The following BPTF variants were observed in gnomAD, a reference collection of about 807,000 sequenced individuals.
The protein encoded by BPTF is bromodomain PHD finger transcription factor, also known as nucleosome-remodeling factor subunit BPTF.
BPTF carries 18 observed loss-of-function variants against 292.5 expected under a neutral mutation model. The ratio of observed to expected loss-of-function variants is 0.06; its 90% CI spans 0.04 to 0.09. The LOEUF is 0.09. Among genes scored for constraint, BPTF ranks in the 10% least tolerant of loss-of-function variants. BPTF has a pLI of 1.00. For synonymous variants in BPTF, 1,225 were observed against 1,251.9 expected (o/e 0.98, Z 0.45); for missense variants, 2,726 against 3,498.7 (o/e 0.78, Z 5.57).
At chr17:67,840,030 A>G (rs546393443) in intron 1 of BPTF, among the ~76,000 whole-genome samples, 2 of 152,150 alleles carry the variant, frequency 1.3e-5, no homozygotes, top group South Asian at 2.1e-4. Flanking sequence ...CCTAATGACA[A>G]ATGGTTCTGA....
chr17:67,946,518 A>G (rs1480435300), intron 21 of BPTF, among the ~76,000 whole-genome samples, 193 bp downstream of exon 21: 5 of 152,252 alleles, frequency 3.3e-5, no homozygotes, highest in African/African-American at 7.2e-5. Context: ...TTAGATACAT[A>G]TAATATATAG....
At chr17:67,960,136 T>TTCTTC (rs753201980) in intron 24 of BPTF, 2 of 343,340 alleles carry the variant, frequency 5.8e-6, no homozygotes, top group Non-Finnish European at 1.1e-5. Context: ...TTGCTTTCTC[T>TTCTTC]TCTTCCCTCT....
intron 15 of BPTF, among the ~76,000 whole-genome samples, chr17:67,927,843 A>G (rs1263036781): frequency 6.6e-6 from 1 of 152,172 alleles, no homozygotes. Flanking sequence ...CCTTGGAGGA[A>G]TTAAAAATAT....
At position 67,920,009 on chromosome 17, in the gene BPTF, C is replaced by A; in HGVS notation, c.5429-6C>A. On this transcript the variant is annotated splice_polypyrimidine_tract_variant and splice_region_variant and intron_variant, in intron 12 of 27. Coordinates refer to ENST00000306378, the MANE Select transcript of BPTF (RefSeq NM_182641.4). Reference sequence around the variant, plus strand: ...TTATTAATACTATTGAATTAAATCACCATAGAAACATCCGAAACTGAAATC... The same window carrying A: ...TTATTAATACTATTGAATTAAATCAACATAGAAACATCCGAAACTGAAATC... The A allele has an allele frequency of 6.2e-7, 1 of 1,608,246 alleles. No individual in the cohort carries two copies. The highest frequency in any genetic ancestry group is 8.5e-7 in the Non-Finnish European group (1 of 1,176,724).
At chr17:67,905,331 C>T (rs2062103737) in intron 9 of BPTF, among the ~76,000 whole-genome samples, 1 of 151,940 alleles carries the variant, frequency 6.6e-6, no homozygotes, top group Non-Finnish European at 1.5e-5. Context: ...TGGCTTAAAC[C>T]CAGGAGGCAG....
chr17:67,970,601 TAGAA>T (rs2068657928), intron 26 of BPTF, among the ~76,000 whole-genome samples: 1 of 152,204 alleles, frequency 6.6e-6, no homozygotes, highest in Non-Finnish European at 1.5e-5. Flanking sequence ...TAGAAATGCA[TAGAA>T]AATGTCTGGA....
At chr17:67,962,379 A>G (rs1456922931) in intron 24 of BPTF, among the ~76,000 whole-genome samples, 2 of 152,180 alleles carry the variant, frequency 1.3e-5, no homozygotes, top group East Asian at 3.9e-4. Flanking sequence ...CACAGTGCCT[A>G]TCAACACTTA....
At chr17:67,922,380 C>T (rs2063513011) in intron 13 of BPTF, among the ~76,000 whole-genome samples, 1 of 152,032 alleles carries the variant, frequency 6.6e-6, no homozygotes, top group African/African-American at 2.4e-5. Context: ...CTCTCAAATC[C>T]CCCTTCTCTG....
intron 23 of BPTF, among the ~76,000 whole-genome samples, chr17:67,954,017 T>A: frequency 8.6e-6 from 1 of 116,558 alleles, no homozygotes; most frequent in Non-Finnish European, 1.7e-5. Flanking sequence ...AGCAGGGCCT[T>A]GTTCTGTTGC....
intron 19 of BPTF, 30 bp downstream of exon 19, chr17:67,940,686 A>C (rs1555671582): frequency 7.6e-6 from 12 of 1,582,574 alleles, no homozygotes; most frequent in Non-Finnish European, 8.7e-6. Flanking sequence ...TTTTAACTTT[A>C]GAGGTGATCT....
chr17:67,873,641 G>C (rs1403806248), intron 3 of BPTF, among the ~76,000 whole-genome samples: 1 of 152,148 alleles, frequency 6.6e-6, no homozygotes, highest in African/African-American at 2.4e-5. Context: ...ATTTCTCACT[G>C]TCAGAGAAGT....
At chr17:67,903,056 G>C (rs1454529890) in intron 7 of BPTF, among the ~76,000 whole-genome samples, 1 of 152,220 alleles carries the variant, frequency 6.6e-6, no homozygotes, top group Non-Finnish European at 1.5e-5. Context: ...AGAAGGAGTT[G>C]TGGCCGATGC....
chr17:67,953,226 G>A (rs1435182124), intron 23 of BPTF, among the ~76,000 whole-genome samples: 2 of 148,666 alleles, frequency 1.3e-5, no homozygotes, highest in African/African-American at 2.5e-5. Flanking sequence ...CTCCCAAAGC[G>A]TTGGGATTAC....
intron 13 of BPTF, among the ~76,000 whole-genome samples, chr17:67,921,554 T>A (rs548830761): frequency 2.2e-4 from 34 of 152,020 alleles, no homozygotes; most frequent in African/African-American, 7.7e-4. Flanking sequence ...AATAAATAAA[T>A]AAAAAGATAA....
chr17:67,908,491 CTTTTT>C (rs34537462), intron 9 of BPTF, among the ~76,000 whole-genome samples: 1 of 97,578 alleles, frequency 1.0e-5, no homozygotes, highest in African/African-American at 3.6e-5. Flanking sequence ...TCACTGACCA[CTTTTT>C]TTTTTTTTTT....
At chr17:67,847,479 A>C (rs2058105572) in intron 1 of BPTF, among the ~76,000 whole-genome samples, 2 of 151,396 alleles carry the variant, frequency 1.3e-5, no homozygotes. Context: ...GCGCCACTGC[A>C]CTCCAGCGTG....
rs185288669 is a variant in BPTF, at chr17:67,922,122, T to G, written c.5558-718T>G. ...AGATGGGAGATGTACCTGGCAGGCC[T>G]TCAGTCTCCTTGACCCCACAGCCTT... On this transcript the variant is annotated intron_variant, in intron 13 of 27. Transcript: ENST00000306378. 1.2e-4 allele frequency among the ~76,000 whole-genome samples: 18 copies of G among 152,240 alleles called. No individual in the cohort carries two copies. In the East Asian group the frequency reaches 3.1e-3, roughly 26 times the overall value.
chr17:67,969,682 T>TA (rs1555689752), intron 26 of BPTF, among the ~76,000 whole-genome samples: 1 of 152,036 alleles, frequency 6.6e-6, no homozygotes, highest in Non-Finnish European at 1.5e-5. Context: ...TTGTTTTTTT[T>TA]AATACCAAGA....
At position 67,854,762 on chromosome 17, in the gene BPTF, T is replaced by G. The variant is rs762804280; in HGVS notation, c.1436T>G (p.Ile479Arg). ...KYWFLNRRLI[I>R]EEDTENENEK... is the part of the protein sequence containing the mutation. ...TGGTTCTTGAACCGAAGACTCATAATGTAAGTAAATCTGGTCTTAATTTTT... is the reference window on the plus strand; with the variant it reads ...TGGTTCTTGAACCGAAGACTCATAAGGTAAGTAAATCTGGTCTTAATTTTT... Residue 479 changes from isoleucine to arginine, a missense_variant and splice_region_variant, in exon 2 of 28, where the codon ATA (isoleucine) becomes AGA (arginine). Physicochemically the swap from Ile to Arg is moderately conservative, Grantham distance 97. Coordinates refer to ENST00000306378, the MANE Select transcript of BPTF (RefSeq NM_182641.4). This position sits in a 1 kb window ranked among gnomAD's most constrained non-coding sequence, Gnocchi z 5.6. 6.2e-7 allele frequency: 1 copy of G among 1,604,576 alleles called. No individual in the cohort carries two copies. The highest frequency in any genetic ancestry group is 8.5e-7 in the Non-Finnish European group (1 of 1,173,742).
Sources: allele counts gnomAD v4.1 joint callset (sites outside exome capture counted in the v4.1 genomes callset), GRCh38; gene constraint gnomAD v4.1.1; non-coding constraint Gnocchi (gnomAD v3.1); transcripts MANE v1.5; gene names NCBI Gene and HGNC (gene_info 2026-07-23, HGNC 2026-07-21).